COL5A1: variants seen among roughly 807,000 people sequenced by gnomAD.
COL5A1 encodes collagen alpha-1(V) chain.
COL5A1 carries 16 observed loss-of-function variants against 263.7 expected under a neutral mutation model. The ratio of observed to expected loss-of-function variants is 0.06; its 90% CI spans 0.04 to 0.09. The LOEUF is 0.09. COL5A1 is among the 10% of genes least tolerant of loss of function. The pLI, the probability that COL5A1 is intolerant of heterozygous loss-of-function variation, is 1.00. For missense variants in COL5A1, 2,036 were observed against 2,540.5 expected (o/e 0.80, Z 4.27); for synonymous variants, 1,012 against 1,004.5 (o/e 1.01, Z -0.14).
At chr9:134,807,692 G>A (rs1838345222) in intron 42 of COL5A1, among the ~76,000 whole-genome samples, 1 of 152,222 alleles carries the variant, frequency 6.6e-6, no homozygotes, top group South Asian at 2.1e-4. Context: ...AACCACATTG[G>A]AAACATCTGG....
intron 2 of COL5A1, among the ~76,000 whole-genome samples, chr9:134,697,758 C>T (rs959062179): frequency 6.6e-6 from 1 of 152,122 alleles, no homozygotes; most frequent in Non-Finnish European, 1.5e-5. Flanking sequence ...ATAGGTGGGA[C>T]CAGCTAAGGC....
chr9:134,723,747 C>G (rs1834548483), intron 4 of COL5A1, among the ~76,000 whole-genome samples: 1 of 152,156 alleles, frequency 6.6e-6, no homozygotes, highest in African/African-American at 2.4e-5. Context: ...GGCTATGGCA[C>G]AGTAGTGCCG....
rs190811392 is a variant in COL5A1 at position 134,678,898 on chromosome 9, C to G, written c.110-12014C>G. 1.2e-3 allele frequency among the ~76,000 whole-genome samples: 178 copies of G among 152,304 alleles called. No homozygotes were observed. The highest frequency in any genetic ancestry group is 2.2e-3 in the Non-Finnish European group (153 of 68,030). On this transcript the variant is annotated intron_variant, in intron 1 of 65. Coordinates refer to ENST00000371817, the MANE Select transcript of COL5A1 (RefSeq NM_000093.5). This position sits in a 1 kb window ranked among gnomAD's most constrained non-coding sequence, Gnocchi z 5.5. ...GGGATCAGGCTGGTTGGTGTTACCC[C>G]CTGCTGGGGGGCAGGCGTTAGATCT...
In COL5A1 at chr9:134,844,349, C is replaced by T. The variant is rs1291891548; in HGVS notation, c.*2046C>T. 4 of 152,624 alleles carry T rather than the reference C, an allele frequency of 2.6e-5. No homozygotes were observed. The highest frequency in any genetic ancestry group is 2.1e-4 in the South Asian group (1 of 4,812). The allele number at this position is 152,624 out of a possible 1,614,324, so 9.5% of individuals were successfully genotyped here. ...TAGCCGAGGACTGTCCCGCGACCCC[C>T]GTGGACTGCGTCTAGGTCATGTGAT... is the stretch of plus-strand genomic sequence containing the variant. On this transcript the variant is annotated 3_prime_UTR_variant, in exon 66 of 66. Transcript: ENST00000371817.
chr9:134,798,557 T>A, intron 37 of COL5A1, 96 bp downstream of exon 37: 3 of 1,159,176 alleles, frequency 2.6e-6, no homozygotes, highest in Non-Finnish European at 2.5e-6. Flanking sequence ...TCTAGGACCC[T>A]CCTGGCCTGG....
At chr9:134,704,870 A>G (rs1243527290) in intron 4 of COL5A1, among the ~76,000 whole-genome samples, 1 of 151,398 alleles carries the variant, frequency 6.6e-6, no homozygotes, top group Non-Finnish European at 1.5e-5. Flanking sequence ...CTTTTGTCTC[A>G]TTGCAAGTGG....
At chr9:134,711,016 C>T (rs114583652) in intron 4 of COL5A1, among the ~76,000 whole-genome samples, 2,709 of 124,924 alleles carry the variant, frequency 0.022, 62 homozygotes, top group African/African-American at 0.06. Context: ...TGGAGAGGCC[C>T]GTTTGTTGGG....
intron 4 of COL5A1, among the ~76,000 whole-genome samples, chr9:134,712,274 T>A (rs1277119931): frequency 4.0e-5 from 1 of 24,984 alleles, no homozygotes; most frequent in African/African-American, 1.9e-4. Context: ...TTCCTGACTC[T>A]CTTCTTCCTG....
intron 11 of COL5A1, among the ~76,000 whole-genome samples, chr9:134,746,136 G>A (rs1835503635): frequency 6.6e-6 from 1 of 152,188 alleles, no homozygotes; most frequent in African/African-American, 2.4e-5. Context: ...GCGTGGTCAT[G>A]CACGTACGTG....
chr9:134,656,186 G>A (rs1831964850), intron 1 of COL5A1, among the ~76,000 whole-genome samples: 1 of 152,294 alleles, frequency 6.6e-6, no homozygotes, highest in East Asian at 1.9e-4. Flanking sequence ...TGGGGCCTGC[G>A]GCTCCTCGTC....
Position 134,754,450 on chromosome 9 carries a change from G to T in COL5A1, c.1827+124G>T. The T allele has an allele frequency of 1.8e-6, 2 of 1,094,164 alleles. No homozygotes were observed. Among genetic ancestry groups the T allele is most frequent in the Non-Finnish European group, 2.8e-6 (2 of 716,922 alleles). The allele number at this position is 1,094,164 out of a possible 1,614,324, so 67.8% of individuals were successfully genotyped here. A position where few individuals can be genotyped will look rare whatever the true frequency, so the allele number is the denominator to read the frequency against. On this transcript the variant is annotated intron_variant, in intron 16 of 65. Coordinates refer to ENST00000371817, the MANE Select transcript of COL5A1 (RefSeq NM_000093.5). The surrounding 1 kb of genome is among the most constrained non-coding windows in gnomAD (Gnocchi z 4.3). ...ATGAAGCCAGGTGGCTCCCCTTCTT[G>T]TGATGGGTGCGTCCATCCCCAAGGC...
In COL5A1 at chr9:134,825,935, C is replaced by T. The variant is rs200053348; in HGVS notation, c.5067+31C>T. On this transcript the variant is annotated intron_variant, in intron 63 of 65. Transcript: ENST00000371817. Reference sequence around the variant, plus strand: ...TAGCTGTGTCCCTCCATGGCCCCAGCGGGGCAGGCGTCACAGACAGGGCCA... The same window carrying T: ...TAGCTGTGTCCCTCCATGGCCCCAGTGGGGCAGGCGTCACAGACAGGGCCA... 110 of 1,461,636 alleles carry T rather than the reference C, an allele frequency of 7.5e-5. No individual in the cohort carries two copies. The East Asian group carries it at 8.4e-4, about 11-fold the overall frequency. 90.5% of individuals were successfully genotyped at this position (1,461,636 alleles called of 1,614,324 possible).
chr9:134,763,877 C>A, intron 20 of COL5A1, 140 bp downstream of exon 20: 1 of 837,374 alleles, frequency 1.2e-6, no homozygotes, highest in South Asian at 1.7e-5. Context: ...CGGACCTGGG[C>A]ATCTCCCAGG....
chr9:134,796,516 C>T (rs563050135), intron 35 of COL5A1, 98 bp downstream of exon 35: 133 of 1,245,564 alleles, frequency 1.1e-4, no homozygotes, highest in Middle Eastern at 1.9e-4. Flanking sequence ...CAGGGAGGCA[C>T]GCCTCAGACC....
chr9:134,657,583 A>G (rs1197771525), intron 1 of COL5A1, among the ~76,000 whole-genome samples: 1 of 96,624 alleles, frequency 1.0e-5, no homozygotes, highest in Admixed American at 1.6e-4. Flanking sequence ...TGTAGTTTAT[A>G]GATAATATGG....
Position 134,663,004 on chromosome 9 carries a change from A to T in COL5A1, c.109+20708A>T, listed in dbSNP as rs1339448708. On this transcript the variant is annotated intron_variant, in intron 1 of 65. Transcript: ENST00000371817. The stretch of plus-strand genomic sequence containing the variant: ...TACTAAAAATACTGCCTTTGCATTC[A>T]ACTCGCCACACATTTCTGTGAGCAT... Among the ~76,000 whole-genome samples, 5 of 152,182 alleles carry T rather than the reference A, an allele frequency of 3.3e-5. No homozygotes were observed. In the South Asian group the frequency reaches 8.3e-4, roughly 25 times the overall value.
intron 1 of COL5A1, among the ~76,000 whole-genome samples, chr9:134,679,659 GGGGGCACTGCGGGGCTTCTT>G (rs1187876781): frequency 7.8e-5 from 9 of 115,724 alleles, no homozygotes; most frequent in Admixed American, 5.2e-4. Context: ...GGGGCTGGTT[GGGGGCACTGCGGGGCTTCTT>G]GGGGCACTGC....
At chr9:134,773,419 G>C (rs1836935094) in intron 26 of COL5A1, among the ~76,000 whole-genome samples, 1 of 152,194 alleles carries the variant, frequency 6.6e-6, no homozygotes, top group African/African-American at 2.4e-5. Context: ...CAGACGGGAG[G>C]AGTAGCCAGT....
rs1455343383 is a variant in COL5A1 at position 134,680,162 on chromosome 9, G to C, written c.110-10750G>C. 6.6e-6 allele frequency among the ~76,000 whole-genome samples: 1 copy of C among 152,218 alleles called. No individual in the cohort carries two copies. The highest frequency in any genetic ancestry group is 1.5e-5 in the Non-Finnish European group (1 of 68,032). ...CCTTCATTCTTCAGCAAGGAATGAT[G>C]AGCTGGGAGCCATGAACAAGCGCAG... On this transcript the variant is annotated intron_variant, in intron 1 of 65. Coordinates refer to ENST00000371817, the MANE Select transcript of COL5A1 (RefSeq NM_000093.5). The surrounding 1 kb of genome is among the most constrained non-coding windows in gnomAD (Gnocchi z 5.9).
Sources: allele counts gnomAD v4.1 joint callset (sites outside exome capture counted in the v4.1 genomes callset), GRCh38; gene constraint gnomAD v4.1.1; non-coding constraint Gnocchi (gnomAD v3.1); transcripts MANE v1.5; gene names NCBI Gene and HGNC (gene_info 2026-07-23, HGNC 2026-07-21).